SLC24A4: variants seen among roughly 807,000 people sequenced by gnomAD.
SLC24A4 encodes sodium/potassium/calcium exchanger 4.
In SLC24A4, 53 loss-of-function variants were observed where a neutral mutation model predicts 79.0. That is an observed-to-expected ratio of 0.67 (90% CI 0.54 to 0.84). The LOEUF is 0.84. Among genes scored for constraint, SLC24A4 ranks in the 40% least tolerant of loss-of-function variants. The pLI, the probability that SLC24A4 is intolerant of heterozygous loss-of-function variation, is 0.00. For missense variants in SLC24A4, 731 were observed against 822.0 expected (o/e 0.89, Z 1.35); for synonymous variants, 323 against 323.8 (o/e 1.00, Z 0.03).
intron 2 of SLC24A4, among the ~76,000 whole-genome samples, chr14:92,337,764 A>G (rs1253096706): frequency 6.6e-6 from 1 of 152,202 alleles, no homozygotes; most frequent in African/African-American, 2.4e-5. Flanking sequence ...AGACAGCACC[A>G]TTATCTCAGG....
intron 2 of SLC24A4, among the ~76,000 whole-genome samples, chr14:92,428,728 G>C (rs2139776945): frequency 6.6e-6 from 1 of 152,344 alleles, no homozygotes; most frequent in Admixed American, 6.5e-5. Context: ...GGGCAGAAGA[G>C]GGCCCAGGGT....
At chr14:92,459,720 T>C (rs1193976853) in intron 12 of SLC24A4, among the ~76,000 whole-genome samples, 1 of 152,092 alleles carries the variant, frequency 6.6e-6, no homozygotes, top group Non-Finnish European at 1.5e-5. Flanking sequence ...GAGCAGGCGG[T>C]GGGAACGGAG....
At chr14:92,366,101 G>A (rs1291524926) in intron 2 of SLC24A4, among the ~76,000 whole-genome samples, 1 of 152,192 alleles carries the variant, frequency 6.6e-6, no homozygotes, top group Non-Finnish European at 1.5e-5. Context: ...GAAAATTGTG[G>A]TGCCGGGAAG....
At chr14:92,402,311 A>C (rs971287893) in intron 2 of SLC24A4, among the ~76,000 whole-genome samples, 1 of 152,124 alleles carries the variant, frequency 6.6e-6, no homozygotes, top group Non-Finnish European at 1.5e-5. Flanking sequence ...TTGTCCTGAA[A>C]TACATTGATT....
chr14:92,403,140 G>C (rs1352004099), intron 2 of SLC24A4, among the ~76,000 whole-genome samples: 1 of 152,138 alleles, frequency 6.6e-6, no homozygotes, highest in African/African-American at 2.4e-5. Flanking sequence ...CTGAGGCAGA[G>C]GTGATGCATG....
At chr14:92,445,743 A>G (rs927393035) in intron 8 of SLC24A4, among the ~76,000 whole-genome samples, 2 of 152,270 alleles carry the variant, frequency 1.3e-5, no homozygotes, top group Non-Finnish European at 1.5e-5. Flanking sequence ...CTGGGAATCC[A>G]CACAGAACAA....
chr14:92,405,771 C>T (rs1280371813), intron 2 of SLC24A4, among the ~76,000 whole-genome samples: 4 of 152,150 alleles, frequency 2.6e-5, no homozygotes, highest in Non-Finnish European at 5.9e-5. Flanking sequence ...GATGTAATCA[C>T]CTCCTACCAG....
At chr14:92,484,179 C>T in intron 13 of SLC24A4, 4 of 985,384 alleles carry the variant, frequency 4.1e-6, no homozygotes, top group Non-Finnish European at 4.8e-6. Flanking sequence ...CGCCTTCCCC[C>T]ATCTCTCCCA....
intron 2 of SLC24A4, among the ~76,000 whole-genome samples, chr14:92,390,094 T>C (rs903828504): frequency 2.0e-5 from 3 of 149,908 alleles, no homozygotes; most frequent in African/African-American, 7.3e-5. Context: ...TTATCTCAGG[T>C]CTTCCCGGCT....
intron 10 of SLC24A4, 132 bp downstream of exon 10, chr14:92,449,348 A>C: frequency 8.0e-7 from 1 of 1,248,022 alleles, no homozygotes; most frequent in Admixed American, 2.4e-5. Flanking sequence ...CCCCCTCTAA[A>C]TTGTCACTCT....
intron 2 of SLC24A4, among the ~76,000 whole-genome samples, chr14:92,342,229 C>T (rs542952396): frequency 1.3e-5 from 2 of 150,820 alleles, no homozygotes; most frequent in East Asian, 2.0e-4. Context: ...AGCTCAGAGC[C>T]GTGCCTCCCC....
intron 2 of SLC24A4, among the ~76,000 whole-genome samples, chr14:92,393,564 T>G (rs1391623327): frequency 1.6e-4 from 22 of 140,224 alleles, no homozygotes; most frequent in African/African-American, 6.1e-4. Flanking sequence ...TTTTTTTTTT[T>G]TTACGGAGTC....
At chr14:92,396,645 GTTTACT>G (rs1889796610) in intron 2 of SLC24A4, among the ~76,000 whole-genome samples, 1 of 152,194 alleles carries the variant, frequency 6.6e-6, no homozygotes, top group Non-Finnish European at 1.5e-5. Context: ...TGCCGCAACA[GTTTACT>G]TCTAGAGCAT....
At position 92,351,915 on chromosome 14, in the gene SLC24A4, G is replaced by GAAGGAAAGGA. The variant is rs11275208; in HGVS notation, c.241+25955_241+25964dup. Among the ~76,000 whole-genome samples, 593 of 140,490 alleles carry GAAGGAAAGGA rather than the reference G, an allele frequency of 4.2e-3. 5 individuals carry two copies. The highest frequency in any genetic ancestry group is 0.01 in the African/African-American group (375 of 37,334). The allele number at this position is 140,490 out of a possible 152,430, so 92.2% of individuals were successfully genotyped here. A position where few individuals can be genotyped will look rare whatever the true frequency, so the allele number is the denominator to read the frequency against. On this transcript the variant is annotated intron_variant, in intron 2 of 16. Transcript: ENST00000532405. ...AAGGAAGGAAAGGAAGGAAGGAAAG[G>GAAGGAAAGGA]AAGGAAAGGAAAGGAAAGGAAAGGA...
chr14:92,382,616 G>A (rs571481594), intron 2 of SLC24A4, among the ~76,000 whole-genome samples: 2 of 152,264 alleles, frequency 1.3e-5, no homozygotes, highest in South Asian at 4.1e-4. Context: ...GAAGCGAAAG[G>A]AAGAAAGGTC....
chr14:92,457,651 TTAAC>T (rs1257899518), intron 12 of SLC24A4: 2 of 152,714 alleles, frequency 1.3e-5, no homozygotes, highest in African/African-American at 2.4e-5. Context: ...GCCTTCGTCT[TTAAC>T]TAAGCCTTCC....
chr14:92,437,090 A>G (rs1226718453), intron 3 of SLC24A4, among the ~76,000 whole-genome samples: 1 of 152,250 alleles, frequency 6.6e-6, no homozygotes. Context: ...TGTTGCAAAC[A>G]GGACATCCAT....
chr14:92,380,918 G>C (rs1364896228), intron 2 of SLC24A4, among the ~76,000 whole-genome samples: 1 of 152,158 alleles, frequency 6.6e-6, no homozygotes, highest in East Asian at 1.9e-4. Flanking sequence ...TTGTGTAGAA[G>C]GGAATGTACT....
chr14:92,419,386 G>A (rs1891156725), intron 2 of SLC24A4, among the ~76,000 whole-genome samples: 1 of 152,178 alleles, frequency 6.6e-6, no homozygotes, highest in South Asian at 2.1e-4. Flanking sequence ...CTGAATCCAG[G>A]CACCATGCTG....
Sources: allele counts gnomAD v4.1 joint callset (sites outside exome capture counted in the v4.1 genomes callset), GRCh38; gene constraint gnomAD v4.1.1; transcripts MANE v1.5; gene names NCBI Gene and HGNC (gene_info 2026-07-23, HGNC 2026-07-21).